The following GAB1 variants were observed in gnomAD, a reference collection of about 807,000 sequenced individuals.
GAB1 encodes GRB2 associated binding protein 1.
A neutral mutation model predicts 66.5 loss-of-function variants in GAB1; 19 were observed. That is an observed-to-expected ratio of 0.29 (90% CI 0.20 to 0.42). The LOEUF is 0.42. GAB1 is among the 10% of genes least tolerant of loss of function. The probability of loss-of-function intolerance (pLI) is 1.00; values close to 1 mark genes in which losing one functional copy is unlikely to be tolerated. For missense variants in GAB1, 732 were observed against 858.5 expected, an observed-to-expected ratio of 0.85 and a Z score of 1.84; for synonymous variants, 294 against 301.4, an observed-to-expected ratio of 0.98 and a Z score of 0.25.
At chr4:143,454,711 T>C (rs2149784383) in intron 6 of GAB1, among the ~76,000 whole-genome samples, 1 of 152,242 alleles carries the variant, frequency 6.6e-6, no homozygotes. Context: ...GAGTGCTTTT[T>C]CCCCCAGCCC....
chr4:143,419,437 T>C (rs1732895179), intron 2 of GAB1, among the ~76,000 whole-genome samples: 1 of 152,106 alleles, frequency 6.6e-6, no homozygotes, highest in African/African-American at 2.4e-5. Flanking sequence ...CCTTACAAAA[T>C]AGATGAGAGG....
intron 1 of GAB1, among the ~76,000 whole-genome samples, chr4:143,411,748 G>C (rs1416787523): frequency 6.6e-6 from 1 of 152,198 alleles, no homozygotes; most frequent in Non-Finnish European, 1.5e-5. Flanking sequence ...CAGTTCTCTT[G>C]TCGAGCATCA....
At chr4:143,440,411 T>C in intron 6 of GAB1, 29 bp downstream of exon 6, 1 of 1,553,070 alleles carries the variant, frequency 6.4e-7, no homozygotes, top group Non-Finnish European at 8.7e-7. Flanking sequence ...AGTAAAAGGC[T>C]TGGGGAGTGC....
intron 1 of GAB1, among the ~76,000 whole-genome samples, chr4:143,388,713 C>A (rs2149684228): frequency 6.6e-6 from 1 of 152,202 alleles, no homozygotes; most frequent in Middle Eastern, 3.4e-3. Flanking sequence ...CTGCGCCCGG[C>A]CTAGAGTTCT....
At position 143,357,440 on chromosome 4, in the gene GAB1, T is replaced by C. The variant is rs28989209; in HGVS notation, c.72+20180T>C. Among the ~76,000 whole-genome samples, 309 of 152,256 alleles carry C rather than the reference T, an allele frequency of 2.0e-3. 2 individuals are homozygous for C. Among genetic ancestry groups the C allele is most frequent in the African/African-American group, 7.0e-3 (293 of 41,564 alleles). ...ATCAGATATTTTAATATACAGGGTT[T>C]TAAGGGTGAGAACATGAGGCAGCAT... On this transcript the variant is annotated intron_variant, in intron 1 of 9. Coordinates refer to ENST00000262994, the MANE Select transcript of GAB1 (RefSeq NM_002039.4).
chr4:143,425,687 G>C (rs933622535), intron 2 of GAB1: 2 of 759,554 alleles, frequency 2.6e-6, no homozygotes, highest in Admixed American at 1.7e-5. Flanking sequence ...AAGAAGAGCA[G>C]GCTGCTACTG....
chr4:143,349,211 T>A (rs1167550190), intron 1 of GAB1: 2 of 578,776 alleles, frequency 3.5e-6, no homozygotes, highest in African/African-American at 3.8e-5. Context: ...ATATATTATT[T>A]TTCATTTTTT....
chr4:143,454,132 C>G (rs1486105490), intron 6 of GAB1, among the ~76,000 whole-genome samples: 1 of 152,138 alleles, frequency 6.6e-6, no homozygotes, highest in Non-Finnish European at 1.5e-5. Context: ...ATGGTCTAGC[C>G]AGAGCAGAGC....
At chr4:143,377,243 T>C (rs1437108136) in intron 1 of GAB1, among the ~76,000 whole-genome samples, 1 of 152,196 alleles carries the variant, frequency 6.6e-6, no homozygotes, top group South Asian at 2.1e-4. Flanking sequence ...GAAGAACTTG[T>C]TAACTGAACT....
chr4:143,434,023 C>CT, intron 3 of GAB1: 1 of 913,158 alleles, frequency 1.1e-6, no homozygotes. Flanking sequence ...GTATTACTTG[C>CT]TTAACAGATT....
At chr4:143,456,857 C>G (rs1402829938) in intron 6 of GAB1, among the ~76,000 whole-genome samples, 1 of 152,180 alleles carries the variant, frequency 6.6e-6, no homozygotes, top group Non-Finnish European at 1.5e-5. Context: ...TATTGCAGCT[C>G]TGGCATCCAG....
chr4:143,407,894 G>A (rs920273791), intron 1 of GAB1, among the ~76,000 whole-genome samples: 2 of 152,126 alleles, frequency 1.3e-5, no homozygotes, highest in African/African-American at 4.8e-5. Context: ...AATAGGCAAA[G>A]TAATTCCTAA....
At chr4:143,365,759 G>A (rs746955007) in intron 1 of GAB1, among the ~76,000 whole-genome samples, 18 of 152,184 alleles carry the variant, frequency 1.2e-4, no homozygotes, top group Non-Finnish European at 2.4e-4. Flanking sequence ...TACCCATAAT[G>A]TACAACATTG....
At chr4:143,393,333 G>A (rs1245265209) in intron 1 of GAB1, among the ~76,000 whole-genome samples, 1 of 151,740 alleles carries the variant, frequency 6.6e-6, no homozygotes, top group Admixed American at 6.6e-5. Flanking sequence ...AAGGTTTGCT[G>A]TCCTCTGTCA....
chr4:143,446,027 A>AGT (rs1277233876), intron 6 of GAB1, among the ~76,000 whole-genome samples: 3 of 151,882 alleles, frequency 2.0e-5, no homozygotes, highest in South Asian at 2.1e-4. Flanking sequence ...CCCATCTATG[A>AGT]GTGAGAACAT....
At chr4:143,349,508 C>G in intron 1 of GAB1, 2 of 1,536,520 alleles carry the variant, frequency 1.3e-6, no homozygotes, top group Non-Finnish European at 1.8e-6. Flanking sequence ...TCGATACCAG[C>G]CATCATGAGC....
At chr4:143,446,943 C>A (rs1274597444) in intron 6 of GAB1, among the ~76,000 whole-genome samples, 6 of 151,878 alleles carry the variant, frequency 4.0e-5, no homozygotes, top group Non-Finnish European at 7.4e-5. Context: ...ACGTTTAAGT[C>A]TTTAATCCAT....
At position 143,352,699 on chromosome 4, in the gene GAB1, C is replaced by T. The variant is rs939608754; in HGVS notation, c.72+15439C>T. ...CCTGCTGATTCTGAAGTAGATGGTCCTTAGGTTATTCTTGGAGAAATCCTG... is the reference window on the plus strand; with the variant it reads ...CCTGCTGATTCTGAAGTAGATGGTCTTTAGGTTATTCTTGGAGAAATCCTG... On this transcript the variant is annotated intron_variant, in intron 1 of 9. Coordinates refer to ENST00000262994, the MANE Select transcript of GAB1 (RefSeq NM_002039.4). Among the ~76,000 whole-genome samples the T allele has an allele frequency of 3.3e-5, 5 of 152,206 alleles. No homozygotes were observed. In the East Asian group the frequency reaches 9.6e-4, roughly 29 times the overall value.
chr4:143,461,312 TTCTC>T (rs1234659751), intron 8 of GAB1, among the ~76,000 whole-genome samples: 1 of 152,222 alleles, frequency 6.6e-6, no homozygotes, highest in Non-Finnish European at 1.5e-5. Context: ...GTTTCTTTCT[TTCTC>T]ATGGAAAAGT....
Sources: gnomAD v4.1 joint callset for allele counts (sites outside exome capture counted in the v4.1 genomes callset) on GRCh38, gnomAD v4.1.1 for gene constraint, MANE v1.5 for transcripts, NCBI Gene and HGNC (gene_info 2026-07-23, HGNC 2026-07-21) for gene names.